Variants in EPB41L4A observed in about 807,000 individuals in gnomAD.
EPB41L4A encodes the protein erythrocyte membrane protein band 4.1 like 4A, also known as band 4.1-like protein 4A.
EPB41L4A carries 100 observed loss-of-function variants against 108.6 expected under a neutral mutation model. The ratio of observed to expected loss-of-function variants is 0.92; its 90% CI spans 0.78 to 1.09. The LOEUF (loss-of-function observed/expected upper bound fraction) is 1.09, where lower values mean the gene tolerates loss of function less well. Ranked by LOEUF, EPB41L4A falls within the 50% of genes least tolerant of loss-of-function variation. The probability of loss-of-function intolerance (pLI) is 0.00; values close to 1 mark genes in which losing one functional copy is unlikely to be tolerated. For missense variants in EPB41L4A, 1,030 were observed against 842.7 expected, an observed-to-expected ratio of 1.22 and a Z score of -2.75; for synonymous variants, 319 against 289.0, an observed-to-expected ratio of 1.10 and a Z score of -1.05.
At chr5:112,301,535 A>G (rs930060194) in intron 2 of EPB41L4A, among the ~76,000 whole-genome samples, 1 of 152,158 alleles carries the variant, frequency 6.6e-6, no homozygotes, top group Non-Finnish European at 1.5e-5. Flanking sequence ...ATACCAGCAC[A>G]GTATTTGCAG....
Position 112,204,412 on chromosome 5 carries a change from C to T in EPB41L4A, c.1339G>A (p.Gly447Arg). 6.2e-7 allele frequency: 1 copy of T among 1,613,834 alleles called. No homozygotes were observed. The highest frequency in any genetic ancestry group is 8.5e-7 in the Non-Finnish European group (1 of 1,179,822). ...GGCTGTACAGAATCATTGTCACTTC[C>T]ACAGGAGGGGTTTCGGCGACGCGTG... is the stretch of plus-strand genomic sequence containing the variant. ...PYTRRRNPSC[G>R]SDNDSVQPVR... The change falls in exon 15 of 23, where the codon GGA becomes AGA. Residue 447 changes from glycine (G) to arginine (R), a missense_variant. By Grantham distance (125) the Gly-to-Arg change is moderately radical (BLOSUM62 -2). Transcript: ENST00000261486.
intron 9 of EPB41L4A, among the ~76,000 whole-genome samples, chr5:112,246,234 C>G (rs1406104468): frequency 1.3e-5 from 2 of 151,926 alleles, no homozygotes; most frequent in Non-Finnish European, 2.9e-5. Context: ...ATAAGGATGT[C>G]TTGGTCAATG....
chr5:112,205,339 A>C, intron 14 of EPB41L4A, 82 bp downstream of exon 14: 2 of 1,170,280 alleles, frequency 1.7e-6, no homozygotes, highest in South Asian at 2.4e-5. Context: ...GCCACCCAGC[A>C]GCTGGATTCC....
intron 1 of EPB41L4A, among the ~76,000 whole-genome samples, chr5:112,332,654 T>G (rs1032962138): frequency 1.5e-4 from 23 of 152,278 alleles, no homozygotes; most frequent in Admixed American, 1.4e-3. Context: ...AAGCCTTATA[T>G]TTGACTGACA....
chr5:112,402,056 C>T (rs373286962), intron 1 of EPB41L4A, among the ~76,000 whole-genome samples: 2 of 152,242 alleles, frequency 1.3e-5, no homozygotes, highest in South Asian at 4.2e-4. Flanking sequence ...GATTTGCGTC[C>T]CCGCCCAAAT....
At chr5:112,342,096 G>A (rs1284980877) in intron 1 of EPB41L4A, among the ~76,000 whole-genome samples, 2 of 152,086 alleles carry the variant, frequency 1.3e-5, no homozygotes, top group Admixed American at 1.3e-4. Context: ...ATTCTTGGGA[G>A]ACACAAACTA....
At chr5:112,216,636 G>A (rs1747664368) in intron 12 of EPB41L4A, among the ~76,000 whole-genome samples, 1 of 151,970 alleles carries the variant, frequency 6.6e-6, no homozygotes, top group African/African-American at 2.4e-5. Flanking sequence ...AAATGCTTAA[G>A]ACAAATAATA....
intron 1 of EPB41L4A, among the ~76,000 whole-genome samples, chr5:112,344,027 A>G (rs1217169996): frequency 6.6e-6 from 1 of 152,194 alleles, no homozygotes; most frequent in Non-Finnish European, 1.5e-5. Context: ...GTGAATAGTC[A>G]CTGTACTCTA....
chr5:112,146,695 C>T (rs1004672555), intron 12 of EPB41L4A, among the ~76,000 whole-genome samples: 29 of 152,170 alleles, frequency 1.9e-4, no homozygotes, highest in Non-Finnish European at 2.9e-4. Flanking sequence ...ACCAGTCGAG[C>T]TGCCTAACCA....
intron 9 of EPB41L4A, among the ~76,000 whole-genome samples, chr5:112,250,152 G>A (rs1044067908): frequency 6.6e-6 from 1 of 152,096 alleles, no homozygotes; most frequent in African/African-American, 2.4e-5. Context: ...ACTTCACAGT[G>A]TAAAAATAAA....
intron 1 of EPB41L4A, among the ~76,000 whole-genome samples, chr5:112,387,879 C>G (rs752552497): frequency 6.6e-6 from 1 of 152,108 alleles, no homozygotes; most frequent in Non-Finnish European, 1.5e-5. Flanking sequence ...ATGCAGAAGT[C>G]ATAACATACA....
chr5:112,231,581 C>T (rs1748932426), intron 12 of EPB41L4A, among the ~76,000 whole-genome samples: 1 of 150,022 alleles, frequency 6.7e-6, no homozygotes, highest in African/African-American at 2.5e-5. Flanking sequence ...GTCAGGAGAT[C>T]GAGACCATCC....
chr5:112,407,394 A>G (rs1369931024), intron 1 of EPB41L4A, among the ~76,000 whole-genome samples: 2 of 152,156 alleles, frequency 1.3e-5, no homozygotes, highest in Non-Finnish European at 2.9e-5. Flanking sequence ...GCCTTAACCT[A>G]CAATCCTGCT....
chr5:112,352,358 T>TG, intron 1 of EPB41L4A, among the ~76,000 whole-genome samples: 1 of 152,350 alleles, frequency 6.6e-6, no homozygotes, highest in South Asian at 2.1e-4. Context: ...ATTTCCCCAC[T>TG]GACCCAATGG....
At chr5:112,335,968 A>AG (rs1756889302) in intron 1 of EPB41L4A, among the ~76,000 whole-genome samples, 4 of 151,982 alleles carry the variant, frequency 2.6e-5, no homozygotes, top group Admixed American at 1.3e-4. Context: ...ACCGTCCCCC[A>AG]GTCTTTTTTA....
chr5:112,381,860 C>T (rs1760197986), intron 1 of EPB41L4A, among the ~76,000 whole-genome samples: 1 of 152,254 alleles, frequency 6.6e-6, no homozygotes, highest in African/African-American at 2.4e-5. Flanking sequence ...CAATTCCACA[C>T]TGAGGAGGGG....
intron 1 of EPB41L4A, among the ~76,000 whole-genome samples, chr5:112,356,790 T>C (rs1387108026): frequency 2.0e-5 from 3 of 152,102 alleles, no homozygotes; most frequent in Non-Finnish European, 4.4e-5. Context: ...AGCTTGATGG[T>C]GAAAAAGAAA....
chr5:112,333,506 G>C (rs994936536), intron 1 of EPB41L4A, among the ~76,000 whole-genome samples: 2 of 152,190 alleles, frequency 1.3e-5, no homozygotes, highest in African/African-American at 4.8e-5. Flanking sequence ...AGACAAAGCA[G>C]AGACAATCCA....
At chr5:112,252,883 TA>T (rs1257674603) in intron 9 of EPB41L4A, among the ~76,000 whole-genome samples, 1 of 152,096 alleles carries the variant, frequency 6.6e-6, no homozygotes, top group Non-Finnish European at 1.5e-5. Flanking sequence ...TAATGTATTT[TA>T]AACCATTGAA....
Sources: gnomAD v4.1 joint callset for allele counts (sites outside exome capture counted in the v4.1 genomes callset) on GRCh38, gnomAD v4.1.1 for gene constraint, MANE v1.5 for transcripts, NCBI Gene and HGNC (gene_info 2026-07-23, HGNC 2026-07-21) for gene names.